Variants in PDE1C observed in about 807,000 individuals in gnomAD.
PDE1C encodes dual specificity calcium/calmodulin-dependent 3',5'-cyclic nucleotide phosphodiesterase 1C.
A neutral mutation model predicts 93.1 loss-of-function variants in PDE1C; 62 were observed. That is an observed-to-expected ratio of 0.67 (90% confidence interval 0.54 to 0.82). PDE1C has a LOEUF of 0.82. PDE1C is among the 40% of genes least tolerant of loss of function. The pLI is 0.00. For missense variants in PDE1C, 742 were observed against 884.6 expected (o/e 0.84, Z 2.04); for synonymous variants, 325 against 310.1 (o/e 1.05, Z -0.50).
intron 1 of PDE1C, among the ~76,000 whole-genome samples, chr7:32,293,961 C>T (rs1585090035): frequency 6.6e-6 from 1 of 152,178 alleles, no homozygotes; most frequent in African/African-American, 2.4e-5. Context: ...CTCAGAAAGT[C>T]GTCAACCATA....
intron 1 of PDE1C, among the ~76,000 whole-genome samples, chr7:32,342,516 G>A (rs1336520469): frequency 6.6e-6 from 1 of 152,078 alleles, no homozygotes; most frequent in Non-Finnish European, 1.5e-5. Context: ...TTTTAAATAT[G>A]TATGTTTGCA....
At chr7:31,809,400 C>T (rs756851052) in intron 15 of PDE1C, among the ~76,000 whole-genome samples, 4 of 151,994 alleles carry the variant, frequency 2.6e-5, no homozygotes, top group Non-Finnish European at 4.4e-5. Context: ...AGGAGAAACC[C>T]GAGCTAACTG....
At chr7:32,107,294 G>A (rs1798377526) in intron 3 of PDE1C, among the ~76,000 whole-genome samples, 2 of 148,228 alleles carry the variant, frequency 1.3e-5, no homozygotes, top group Admixed American at 6.7e-5. Flanking sequence ...AGGAGGGAGG[G>A]AGGGAGGAAA....
At chr7:32,248,416 A>G (rs991668614) in intron 1 of PDE1C, among the ~76,000 whole-genome samples, 1 of 152,238 alleles carries the variant, frequency 6.6e-6, no homozygotes, top group South Asian at 2.1e-4. Context: ...ATAACCTAAC[A>G]GGGGACTCAA....
chr7:32,260,379 T>G (rs756109857), intron 1 of PDE1C, among the ~76,000 whole-genome samples: 11 of 152,238 alleles, frequency 7.2e-5, no homozygotes, highest in Non-Finnish European at 1.2e-4. Context: ...TAATTATTTC[T>G]AGTATTCACG....
At chr7:32,004,209 T>C (rs1178761029) in intron 2 of PDE1C, among the ~76,000 whole-genome samples, 2 of 151,998 alleles carry the variant, frequency 1.3e-5, no homozygotes, top group African/African-American at 4.8e-5. Context: ...GGAAAACCTC[T>C]GTTGTTTTAC....
At chr7:32,376,132 G>C (rs1049697814) in intron 1 of PDE1C, among the ~76,000 whole-genome samples, 1 of 152,056 alleles carries the variant, frequency 6.6e-6, no homozygotes, top group Non-Finnish European at 1.5e-5. Flanking sequence ...ACTCCTGCCT[G>C]CCTGGGTGAC....
intron 2 of PDE1C, among the ~76,000 whole-genome samples, chr7:32,009,899 A>G (rs937066029): frequency 6.6e-6 from 1 of 152,208 alleles, no homozygotes; most frequent in African/African-American, 2.4e-5. Flanking sequence ...TAAATGAACA[A>G]TCAGAAGTTG....
At chr7:31,903,965 C>G (rs960452696) in intron 2 of PDE1C, among the ~76,000 whole-genome samples, 2 of 152,134 alleles carry the variant, frequency 1.3e-5, no homozygotes, top group Admixed American at 6.6e-5. Flanking sequence ...TCATTTCTCT[C>G]ATAAACTTAT....
intron 16 of PDE1C, chr7:31,787,712 G>C (rs1444699286): frequency 6.6e-6 from 1 of 152,142 alleles, no homozygotes; most frequent in Non-Finnish European, 1.5e-5. Context: ...CTGTGCAATA[G>C]AATAATGTTT....
intron 3 of PDE1C, among the ~76,000 whole-genome samples, chr7:32,164,781 A>T (rs758453424): frequency 2.6e-5 from 4 of 152,236 alleles, no homozygotes; most frequent in Non-Finnish European, 5.9e-5. Context: ...GAGGCTGGGG[A>T]GACAAACCTC....
At chr7:32,296,079 C>T (rs1365919008) in intron 1 of PDE1C, among the ~76,000 whole-genome samples, 2 of 152,052 alleles carry the variant, frequency 1.3e-5, no homozygotes, top group East Asian at 1.9e-4. Flanking sequence ...ATTTTTCAAA[C>T]ATTCTGATTT....
intron 1 of PDE1C, among the ~76,000 whole-genome samples, chr7:32,279,024 G>T (rs1053606282): frequency 6.6e-6 from 1 of 152,168 alleles, no homozygotes; most frequent in Non-Finnish European, 1.5e-5. Flanking sequence ...GTATACTTAA[G>T]AGGAATTTAT....
intron 2 of PDE1C, among the ~76,000 whole-genome samples, chr7:32,011,739 T>C (rs1236118054): frequency 6.6e-6 from 1 of 152,172 alleles, no homozygotes; most frequent in Non-Finnish European, 1.5e-5. Flanking sequence ...GAATGTAAAA[T>C]GGTACAACTT....
intron 2 of PDE1C, among the ~76,000 whole-genome samples, chr7:32,011,558 A>G (rs896202736): frequency 6.6e-6 from 1 of 152,190 alleles, no homozygotes; most frequent in Non-Finnish European, 1.5e-5. Flanking sequence ...TAAAAAGGTA[A>G]TAAGTAAGCA....
intron 16 of PDE1C, among the ~76,000 whole-genome samples, chr7:31,798,267 C>T (rs987919860): frequency 2.6e-5 from 4 of 151,714 alleles, no homozygotes; most frequent in Non-Finnish European, 5.9e-5. Context: ...AAATCCTCTC[C>T]AGCATAATCA....
intron 2 of PDE1C, among the ~76,000 whole-genome samples, chr7:32,201,314 G>C (rs975020133): frequency 6.6e-6 from 1 of 152,210 alleles, no homozygotes; most frequent in African/African-American, 2.4e-5. Context: ...TGAGAGGATA[G>C]AGGAGGAGGT....
intron 5 of PDE1C, among the ~76,000 whole-genome samples, chr7:31,875,641 A>G (rs1312244108): frequency 6.6e-6 from 1 of 151,082 alleles, no homozygotes; most frequent in African/African-American, 2.4e-5. Context: ...GAACCTCCTC[A>G]TCTCCTCCCA....
chr7:32,160,101 G>A (rs1296604660), intron 3 of PDE1C, among the ~76,000 whole-genome samples: 1 of 152,134 alleles, frequency 6.6e-6, no homozygotes, highest in East Asian at 1.9e-4. Context: ...GGGGCTGGGA[G>A]GGAAATAAAG....
Sources: gnomAD v4.1 joint callset for allele counts (sites outside exome capture counted in the v4.1 genomes callset) on GRCh38, gnomAD v4.1.1 for gene constraint, MANE v1.5 for transcripts, NCBI Gene and HGNC (gene_info 2026-07-23, HGNC 2026-07-21) for gene names.